Variants in RFC1 observed in about 807,000 individuals in gnomAD.
RFC1 encodes the protein replication factor C subunit 1, also known as A1 140 kDa subunit.
RFC1 carries 37 observed loss-of-function variants against 137.4 expected under a neutral mutation model. The ratio of observed to expected loss-of-function variants is 0.27; its 90% CI spans 0.21 to 0.35. The LOEUF (loss-of-function observed/expected upper bound fraction) is 0.35, where lower values mean the gene tolerates loss of function less well. RFC1 is among the 10% of genes least tolerant of loss of function. The probability of loss-of-function intolerance (pLI) is 1.00; values close to 1 mark genes in which losing one functional copy is unlikely to be tolerated. For synonymous variants in RFC1, 429 were observed against 455.7 expected (o/e 0.94, Z 0.75); for missense variants, 1,205 against 1,358.5 (o/e 0.89, Z 1.78).
At chr4:39,352,100 C>T (rs1354034389) in intron 1 of RFC1, among the ~76,000 whole-genome samples, 1 of 151,936 alleles carries the variant, frequency 6.6e-6, no homozygotes, top group Non-Finnish European at 1.5e-5. Flanking sequence ...AGGCAAGTGG[C>T]AGTTACTTAT....
chr4:39,318,832 T>C (rs1281054892), intron 9 of RFC1, among the ~76,000 whole-genome samples: 2 of 152,246 alleles, frequency 1.3e-5, no homozygotes, highest in Non-Finnish European at 2.9e-5. Flanking sequence ...TTCACTGTTC[T>C]GCACTAAAAT....
chr4:39,364,575 C>T (rs994937258), intron 1 of RFC1, among the ~76,000 whole-genome samples: 2 of 152,174 alleles, frequency 1.3e-5, no homozygotes, highest in Non-Finnish European at 2.9e-5. Context: ...GTTGACCACA[C>T]AAGCTATGTT....
chr4:39,320,311 T>C, intron 9 of RFC1, 72 bp downstream of exon 9: 1 of 1,341,162 alleles, frequency 7.5e-7, no homozygotes. Context: ...ATTGTGCCAC[T>C]GCACTCCAAC....
At chr4:39,306,725 G>A (rs759878409) in intron 13 of RFC1, 24 bp from the exon 14 acceptor site, 2 of 1,405,378 alleles carry the variant, frequency 1.4e-6, no homozygotes, top group Non-Finnish European at 2.0e-6. Context: ...AGAAGTTCCA[G>A]AGTGTCAACC....
intron 1 of RFC1, among the ~76,000 whole-genome samples, chr4:39,360,725 ACT>A (rs1224633237): frequency 6.6e-6 from 1 of 151,646 alleles, no homozygotes; most frequent in African/African-American, 2.4e-5. Context: ...ACAGAGCGAG[ACT>A]CTGTCTCAGA....
In RFC1 at chr4:39,311,056, G is replaced by A. The variant is rs558098810; in HGVS notation, c.1488+389C>T. Among the ~76,000 whole-genome samples, 12 of 152,114 alleles carry A rather than the reference G, an allele frequency of 7.9e-5. No homozygotes were observed. The East Asian group carries it at 1.9e-3, about 25-fold the overall frequency. ...CTCAGGAGGCTGAGGCAGGAGAATC[G>A]CTTGAACCCAGGAGGCAGAAGTTGC... is the stretch of plus-strand genomic sequence containing the variant. On this transcript the variant is annotated intron_variant, in intron 12 of 24. Transcript: ENST00000349703.
intron 4 of RFC1, among the ~76,000 whole-genome samples, chr4:39,340,360 A>G (rs1309047078): frequency 6.6e-6 from 1 of 152,214 alleles, no homozygotes; most frequent in Admixed American, 6.5e-5. Flanking sequence ...TCTCCAGACA[A>G]TCAATACAGT....
intron 1 of RFC1, among the ~76,000 whole-genome samples, chr4:39,360,225 G>A (rs1741684519): frequency 6.6e-6 from 1 of 151,860 alleles, no homozygotes; most frequent in African/African-American, 2.4e-5. Context: ...AATCGGCCAG[G>A]TGCGGTGGCT....
intron 9 of RFC1, among the ~76,000 whole-genome samples, chr4:39,320,173 A>G (rs1211952666): frequency 2.0e-5 from 3 of 152,004 alleles, no homozygotes; most frequent in Non-Finnish European, 4.4e-5. Flanking sequence ...AACATGGAGA[A>G]ACCCCGTCTC....
chr4:39,294,079 C>G (rs1386556924), intron 22 of RFC1, among the ~76,000 whole-genome samples: 1 of 152,188 alleles, frequency 6.6e-6, no homozygotes, highest in Non-Finnish European at 1.5e-5. Context: ...AGCTCAAGAT[C>G]AGGACTGAGG....
At chr4:39,297,818 T>C (rs1274160658) in intron 21 of RFC1, 1 of 152,222 alleles carries the variant, frequency 6.6e-6, no homozygotes, top group Non-Finnish European at 1.5e-5. Context: ...TCTTTGCAAA[T>C]AGTTTTAAAG....
intron 13 of RFC1, 107 bp downstream of exon 13, chr4:39,308,529 T>G: frequency 6.9e-7 from 1 of 1,441,590 alleles, no homozygotes; most frequent in Non-Finnish European, 9.4e-7. Flanking sequence ...TCTTAATAAA[T>G]GCTTGCTGAC....
intron 11 of RFC1, 37 bp from the exon 12 acceptor site, chr4:39,311,586 C>A: frequency 6.6e-7 from 1 of 1,526,110 alleles, no homozygotes; most frequent in Non-Finnish European, 9.0e-7. Context: ...AAACTGCATC[C>A]TGCATCCTAC....
chr4:39,345,267 T>G, intron 3 of RFC1, 134 bp downstream of exon 3: 4 of 628,928 alleles, frequency 6.4e-6, no homozygotes, highest in South Asian at 2.2e-5. Context: ...TGCCTGCCTT[T>G]GCCTCCCAAA....
At chr4:39,327,812 GAA>G (rs2109688039) in intron 4 of RFC1, 56 bp from the exon 5 acceptor site, 1 of 1,283,078 alleles carries the variant, frequency 7.8e-7, no homozygotes, top group East Asian at 2.5e-5. Context: ...GTTATACAAA[GAA>G]AACACTTCTA....
At chr4:39,313,175 G>A (rs1739053661) in intron 10 of RFC1, among the ~76,000 whole-genome samples, 2 of 152,100 alleles carry the variant, frequency 1.3e-5, no homozygotes, top group Admixed American at 6.5e-5. Context: ...ATCCAACACT[G>A]TTAGCAAAGC....
At chr4:39,304,042 T>C (rs913939178) in intron 15 of RFC1, among the ~76,000 whole-genome samples, 3 of 152,340 alleles carry the variant, frequency 2.0e-5, no homozygotes, top group African/African-American at 7.2e-5. Context: ...TTGAGAAATA[T>C]TGCTGGACTC....
chr4:39,340,980 G>C (rs1740579754), intron 4 of RFC1, among the ~76,000 whole-genome samples: 1 of 152,112 alleles, frequency 6.6e-6, no homozygotes, highest in Non-Finnish European at 1.5e-5. Context: ...CAGATAAAAA[G>C]CTGGACATCT....
rs36119185 is a variant in RFC1, at chr4:39,290,812, C to CAA, written c.3169-775_3169-774dup. On this transcript the variant is annotated intron_variant, in intron 23 of 24. Coordinates refer to ENST00000349703, the MANE Select transcript of RFC1 (RefSeq NM_002913.5). ...CCTGGGCAACAGAGCTAGACTGTCT[C>CAA]AAAAAAAAAAAAAAAGGTTGGGGGA... is the stretch of plus-strand genomic sequence containing the variant. Among the ~76,000 whole-genome samples the CAA allele has an allele frequency of 1.9e-3, 244 of 130,110 alleles. 1 individual carries two copies. Among genetic ancestry groups the CAA allele is most frequent in the Middle Eastern group, 7.7e-3 (2 of 260 alleles). 85.4% of individuals were successfully genotyped at this position (130,110 alleles called of 152,430 possible).
Sources: gnomAD v4.1 joint callset for allele counts (sites outside exome capture counted in the v4.1 genomes callset) on GRCh38, gnomAD v4.1.1 for gene constraint, MANE v1.5 for transcripts, NCBI Gene and HGNC (gene_info 2026-07-23, HGNC 2026-07-21) for gene names.